Variants in ETFA observed in about 807,000 individuals in gnomAD.
ETFA encodes electron transfer flavoprotein subunit alpha, mitochondrial.
Under a neutral mutation model 46.2 loss-of-function variants are expected in ETFA, and 22 were observed. That is an observed-to-expected ratio of 0.48 (90% confidence interval 0.34 to 0.68). The LOEUF is 0.68. Ranked by LOEUF, ETFA falls within the 30% of genes least tolerant of loss-of-function variation. The pLI, the probability that ETFA is intolerant of heterozygous loss-of-function variation, is 0.01. For synonymous variants in ETFA, 131 were observed against 139.9 expected (o/e 0.94, Z 0.45); for missense variants, 345 against 401.1 (o/e 0.86, Z 1.19).
intron 7 of ETFA, chr15:76,285,046 T>C: frequency 4.0e-6 from 1 of 247,244 alleles, no homozygotes; most frequent in Non-Finnish European, 8.2e-6. Context: ...TTGTTGGATG[T>C]TTAATTGCAA....
At chr15:76,292,733 T>C (rs1412145129) in intron 2 of ETFA, 33 bp from the exon 3 acceptor site, 1 of 1,418,922 alleles carries the variant, frequency 7.0e-7, no homozygotes, top group Admixed American at 1.7e-5. Flanking sequence ...TAATTATCCA[T>C]CTATCAGAAA....
chr15:76,290,527 T>G (rs530030663), intron 4 of ETFA, among the ~76,000 whole-genome samples: 1 of 151,944 alleles, frequency 6.6e-6, no homozygotes, highest in East Asian at 1.9e-4. Flanking sequence ...TTTTTTCATT[T>G]TTTTGTAGAG....
intron 9 of ETFA, among the ~76,000 whole-genome samples, chr15:76,250,775 G>T (rs915127773): frequency 4.6e-5 from 7 of 151,608 alleles, no homozygotes; most frequent in Non-Finnish European, 8.8e-5. Flanking sequence ...GAGCTCACAT[G>T]ATCCTCCTGC....
At chr15:76,269,328 G>T (rs1026787508) in intron 9 of ETFA, among the ~76,000 whole-genome samples, 1 of 152,166 alleles carries the variant, frequency 6.6e-6, no homozygotes, top group Non-Finnish European at 1.5e-5. Context: ...GGGGTCCAGG[G>T]TCTAAAATAC....
chr15:76,259,177 A>C, intron 9 of ETFA: 1 of 1,513,594 alleles, frequency 6.6e-7, no homozygotes, highest in South Asian at 1.1e-5. Flanking sequence ...GATCCACTGT[A>C]GGGCTGATCC....
intron 10 of ETFA, among the ~76,000 whole-genome samples, chr15:76,227,235 A>G (rs1055149069): frequency 7.9e-5 from 12 of 152,058 alleles, no homozygotes; most frequent in African/African-American, 2.9e-4. Flanking sequence ...CCATCTCTAC[A>G]ATAAAAAATA....
At chr15:76,291,446 G>GAAAAAAA (rs754954938) in intron 4 of ETFA, among the ~76,000 whole-genome samples, 7 of 93,456 alleles carry the variant, frequency 7.5e-5, no homozygotes, top group African/African-American at 2.7e-4. Flanking sequence ...ACTCCATCTC[G>GAAAAAAA]AAAAAAAAAA....
intron 9 of ETFA, among the ~76,000 whole-genome samples, chr15:76,255,583 A>G (rs2039338977): frequency 6.6e-6 from 1 of 152,212 alleles, no homozygotes; most frequent in African/African-American, 2.4e-5. Flanking sequence ...TGAAGATAAT[A>G]TTTCATCTGC....
intron 9 of ETFA, among the ~76,000 whole-genome samples, chr15:76,256,807 G>C (rs2039349289): frequency 6.6e-6 from 1 of 152,100 alleles, no homozygotes; most frequent in Admixed American, 6.5e-5. Context: ...TAACATCATA[G>C]CACAACATAT....
At chr15:76,237,295 C>T (rs2039135385) in intron 9 of ETFA, among the ~76,000 whole-genome samples, 1 of 152,148 alleles carries the variant, frequency 6.6e-6, no homozygotes, top group African/African-American at 2.4e-5. Context: ...TCAGGTGATC[C>T]ACCCACCTCG....
At chr15:76,311,022 C>T (rs1422170496) in intron 1 of ETFA, among the ~76,000 whole-genome samples, 2 of 152,208 alleles carry the variant, frequency 1.3e-5, no homozygotes, top group African/African-American at 4.8e-5. Flanking sequence ...GTGTGGAGGA[C>T]CTGGCGGCCC....
chr15:76,227,528 A>AAAAAAAAAAAAG (rs2039016378), intron 10 of ETFA, among the ~76,000 whole-genome samples: 1 of 148,302 alleles, frequency 6.7e-6, no homozygotes, highest in African/African-American at 2.5e-5. Context: ...AAAAAAAAAA[A>AAAAAAAAAAAAG]GGAAAAGCTA....
intron 9 of ETFA, chr15:76,274,039 A>G (rs1257805835): frequency 4.7e-6 from 1 of 214,220 alleles, no homozygotes; most frequent in Non-Finnish European, 9.5e-6. Flanking sequence ...TCATTAAAAT[A>G]GGTTCATTGT....
At chr15:76,274,542 C>A in intron 8 of ETFA, 48 bp from the exon 9 acceptor site, 2 of 1,421,446 alleles carry the variant, frequency 1.4e-6, no homozygotes, top group Admixed American at 1.9e-5. Flanking sequence ...TATTATTCAG[C>A]TAGTTAGGAT....
chr15:76,224,477 G>A (rs1377063325), intron 11 of ETFA, among the ~76,000 whole-genome samples: 4 of 152,208 alleles, frequency 2.6e-5, no homozygotes, highest in Admixed American at 1.3e-4. Flanking sequence ...GAGCCATCAC[G>A]GAGTAATCGG....
intron 9 of ETFA, among the ~76,000 whole-genome samples, chr15:76,249,124 T>C (rs1177823439): frequency 1.5e-5 from 2 of 130,118 alleles, no homozygotes; most frequent in African/African-American, 5.9e-5. Flanking sequence ...AAATTTACCA[T>C]AGTAATTTTT....
chr15:76,288,097 G>A (rs2039719369), intron 4 of ETFA, 152 bp from the exon 5 acceptor site: 1 of 637,558 alleles, frequency 1.6e-6, no homozygotes. Context: ...ACAACTTCAA[G>A]CACAGCTTTT....
chr15:76,260,775 T>G, intron 9 of ETFA: 1 of 1,604,094 alleles, frequency 6.2e-7, no homozygotes, highest in Non-Finnish European at 8.5e-7. Context: ...GGGCACCCAG[T>G]CAGCATAAGG....
intron 9 of ETFA, among the ~76,000 whole-genome samples, chr15:76,244,976 T>G (rs1219014770): frequency 1.3e-5 from 2 of 152,200 alleles, no homozygotes; most frequent in Non-Finnish European, 2.9e-5. Flanking sequence ...CTGGAATAAA[T>G]GTTTAGAGCA....
Sources: gnomAD v4.1 joint callset for allele counts (sites outside exome capture counted in the v4.1 genomes callset) on GRCh38, gnomAD v4.1.1 for gene constraint, MANE v1.5 for transcripts, NCBI Gene and HGNC (gene_info 2026-07-23, HGNC 2026-07-21) for gene names.